The following TMEM273 variants were observed in gnomAD, a reference collection of about 807,000 sequenced individuals.
The protein encoded by TMEM273 is transmembrane protein 273, also known as chromosome 10 open reading frame 128.
Under a neutral mutation model 17.9 loss-of-function variants are expected in TMEM273, and 19 were observed. The ratio of observed to expected loss-of-function variants is 1.06; its 90% confidence interval spans 0.74 to 1.55. TMEM273 has a LOEUF of 1.55. TMEM273 is among the 40% of genes most tolerant of loss of function. The pLI, the probability that TMEM273 is intolerant of heterozygous loss-of-function variation, is 0.00. For synonymous variants in TMEM273, 66 were observed against 62.0 expected (o/e 1.07, Z -0.31); for missense variants, 194 against 155.6 (o/e 1.25, Z -1.31).
At chr10:49,186,797 C>T (rs1176213434) in intron 1 of TMEM273, among the ~76,000 whole-genome samples, 1 of 152,166 alleles carries the variant, frequency 6.6e-6, no homozygotes, top group African/African-American at 2.4e-5. Context: ...GCTGTGATGC[C>T]TTGGCCCAGT....
chr10:49,175,333 G>T (rs1262627808), intron 1 of TMEM273, among the ~76,000 whole-genome samples: 3 of 152,174 alleles, frequency 2.0e-5, no homozygotes, highest in Non-Finnish European at 4.4e-5. Flanking sequence ...TATCTTGCCT[G>T]CTACAATGCC....
chr10:49,173,021 G>A (rs1846684614), intron 1 of TMEM273, among the ~76,000 whole-genome samples: 1 of 152,228 alleles, frequency 6.6e-6, no homozygotes, highest in Admixed American at 6.5e-5. Flanking sequence ...CTAACTCAGA[G>A]CCTCAGGGGA....
intron 1 of TMEM273, among the ~76,000 whole-genome samples, chr10:49,182,024 T>C (rs890053862): frequency 6.6e-6 from 1 of 152,168 alleles, no homozygotes; most frequent in Non-Finnish European, 1.5e-5. Context: ...TTTAGAAAAA[T>C]GGGCAGAAGT....
intron 1 of TMEM273, chr10:49,178,333 G>A (rs1451039178): frequency 2.2e-6 from 1 of 456,566 alleles, no homozygotes; most frequent in Non-Finnish European, 4.4e-6. Context: ...TCCACTTCGG[G>A]CAATAATTGA....
chr10:49,174,000 G>A (rs148716870), intron 1 of TMEM273, among the ~76,000 whole-genome samples: 9 of 152,292 alleles, frequency 5.9e-5, no homozygotes, highest in African/African-American at 2.2e-4. Flanking sequence ...GAAATCAGAT[G>A]TGTAGAGTCA....
chr10:49,188,150 A>T (rs968821506), intron 1 of TMEM273, 144 bp downstream of exon 1: 1 of 925,804 alleles, frequency 1.1e-6, no homozygotes, highest in Non-Finnish European at 1.7e-6. Flanking sequence ...ATCATTGCTC[A>T]CTACCAGATC....
intron 1 of TMEM273, among the ~76,000 whole-genome samples, chr10:49,168,704 G>GGGAGGGAA (rs1554844789): frequency 3.5e-4 from 47 of 134,032 alleles, no homozygotes; most frequent in African/African-American, 8.6e-4. Flanking sequence ...GAGGGAGGGA[G>GGGAGGGAA]GGAGGGAGGG....
intron 5 of TMEM273, among the ~76,000 whole-genome samples, chr10:49,161,936 CCT>C (rs1845871543): frequency 6.6e-6 from 1 of 152,092 alleles, no homozygotes; most frequent in Non-Finnish European, 1.5e-5. Context: ...TCCCAGCCTC[CCT>C]CTCTCCTGGC....
rs190155242 is a variant in TMEM273 at position 49,164,411 on chromosome 10, C to T, written c.348+794G>A. On this transcript the variant is annotated intron_variant, in intron 5 of 6. Coordinates refer to ENST00000374153, the MANE Select transcript of TMEM273 (RefSeq NM_001288740.3). ...CTTTGCACCAGGCCTGAGTCTCTGTCCGGGCTTCCAGCACATCTTCCTGGC... is the reference window on the plus strand; with the variant it reads ...CTTTGCACCAGGCCTGAGTCTCTGTTCGGGCTTCCAGCACATCTTCCTGGC... Among the ~76,000 whole-genome samples the T allele has an allele frequency of 4.2e-3, 645 of 152,318 alleles. 6 individuals carry two copies. The highest frequency in any genetic ancestry group is 6.8e-3 in the Non-Finnish European group (466 of 68,032).
intron 3 of TMEM273, 132 bp from the exon 4 acceptor site, chr10:49,165,928 G>T: frequency 2.6e-6 from 3 of 1,133,866 alleles, no homozygotes; most frequent in Non-Finnish European, 3.9e-6. Flanking sequence ...GGGCCTGGCT[G>T]CTATGTGATG....
At chr10:49,188,202 T>G in intron 1 of TMEM273, 92 bp downstream of exon 1, 1 of 1,384,282 alleles carries the variant, frequency 7.2e-7, no homozygotes, top group African/African-American at 1.4e-5. Flanking sequence ...AGAGTTATGT[T>G]TTAGGGATCA....
intron 1 of TMEM273, among the ~76,000 whole-genome samples, chr10:49,186,057 G>GAAC (rs1847662182): frequency 6.7e-6 from 1 of 149,102 alleles, no homozygotes; most frequent in Admixed American, 6.7e-5. Flanking sequence ...AGAAGAGGAA[G>GAAC]AAGAAGAAGA....
At chr10:49,181,017 G>C (rs934446074) in intron 1 of TMEM273, among the ~76,000 whole-genome samples, 1 of 152,168 alleles carries the variant, frequency 6.6e-6, no homozygotes, top group African/African-American at 2.4e-5. Context: ...AGAAAATCTC[G>C]AGAGATCTGA....
At chr10:49,179,744 T>C (rs1295588149) in intron 1 of TMEM273, among the ~76,000 whole-genome samples, 1 of 152,164 alleles carries the variant, frequency 6.6e-6, no homozygotes, top group African/African-American at 2.4e-5. Context: ...CAGATGGGAA[T>C]TGGAGAAGCT....
chr10:49,166,863 C>T lies in TMEM273; in HGVS notation c.238+6G>A, dbSNP rs1351038932. The T allele has an allele frequency of 6.2e-7, 1 of 1,613,440 alleles. No homozygotes were observed. The highest frequency in any genetic ancestry group is 1.3e-5 in the African/African-American group (1 of 75,058). On this transcript the variant is annotated splice_donor_region_variant and intron_variant, in intron 3 of 6. Coordinates refer to ENST00000374153, the MANE Select transcript of TMEM273 (RefSeq NM_001288740.3). ...CAGAGCCAGGCCCGAGCACCACATC[C>T]CTCACCACTGAGGCCCCCAGGCGTG...
intron 6 of TMEM273, among the ~76,000 whole-genome samples, chr10:49,159,051 A>T (rs1845684856): frequency 6.6e-6 from 1 of 152,230 alleles, no homozygotes; most frequent in African/African-American, 2.4e-5. Flanking sequence ...ACTTCAAAGC[A>T]GTAGGTAGGA....
chr10:49,183,021 A>G (rs1182384923), intron 1 of TMEM273, among the ~76,000 whole-genome samples: 2 of 152,138 alleles, frequency 1.3e-5, no homozygotes, highest in Non-Finnish European at 2.9e-5. Flanking sequence ...CTTCAAAAAT[A>G]TCTTTATCAT....
intron 1 of TMEM273, among the ~76,000 whole-genome samples, chr10:49,176,809 C>T (rs1349786194): frequency 6.6e-6 from 1 of 152,246 alleles, no homozygotes; most frequent in Non-Finnish European, 1.5e-5. Flanking sequence ...CGGGACAGAT[C>T]ATTCGTAAAC....
chr10:49,161,024 A>T (rs7924204), intron 6 of TMEM273: 36,216 of 153,688 alleles, frequency 0.24, 4,526 homozygotes, highest in African/African-American at 0.32. Flanking sequence ...AAGCTGGGGA[A>T]TGTGGATTGT....
Sources: gnomAD v4.1 joint callset for allele counts (sites outside exome capture counted in the v4.1 genomes callset) on GRCh38, gnomAD v4.1.1 for gene constraint, MANE v1.5 for transcripts, NCBI Gene and HGNC (gene_info 2026-07-23, HGNC 2026-07-21) for gene names.